The following NLGN1 variants were observed in gnomAD, a reference collection of about 807,000 sequenced individuals.
NLGN1 encodes neuroligin-1.
Under a neutral mutation model 65.5 loss-of-function variants are expected in NLGN1, and 12 were observed. The ratio of observed to expected loss-of-function variants is 0.18; its 90% CI spans 0.12 to 0.30. The LOEUF (loss-of-function observed/expected upper bound fraction) is 0.30. Ranked by LOEUF, NLGN1 falls within the 10% of genes least tolerant of loss-of-function variation. The probability of loss-of-function intolerance (pLI) is 1.00; values close to 1 mark genes in which losing one functional copy is unlikely to be tolerated. For missense variants in NLGN1, 750 were observed against 1,007.1 expected (o/e 0.74, Z 3.46); for synonymous variants, 350 against 359.5 (o/e 0.97, Z 0.30).
At chr3:173,438,374 C>A (rs921488161) in intron 2 of NLGN1, among the ~76,000 whole-genome samples, 1 of 151,998 alleles carries the variant, frequency 6.6e-6, no homozygotes, top group African/African-American at 2.4e-5. Flanking sequence ...TACATATCGT[C>A]TTTCCTATTA....
At chr3:174,024,309 A>G (rs1289657471) in intron 4 of NLGN1, among the ~76,000 whole-genome samples, 2 of 152,164 alleles carry the variant, frequency 1.3e-5, no homozygotes, top group Non-Finnish European at 2.9e-5. Flanking sequence ...GATTGTCAAG[A>G]AAAGGCAACC....
chr3:173,881,423 T>TC, intron 4 of NLGN1, among the ~76,000 whole-genome samples: 1 of 129,560 alleles, frequency 7.7e-6, no homozygotes, highest in Non-Finnish European at 1.6e-5. Flanking sequence ...CCACTCCTTT[T>TC]TTTTTTTTTT....
intron 4 of NLGN1, among the ~76,000 whole-genome samples, chr3:174,263,925 T>C (rs1747471612): frequency 6.6e-6 from 1 of 151,138 alleles, no homozygotes; most frequent in African/African-American, 2.4e-5. Context: ...AAGTATTTTA[T>C]TTCTCCTTCA....
chr3:174,046,488 A>G (rs1260022509), intron 4 of NLGN1, among the ~76,000 whole-genome samples: 1 of 152,052 alleles, frequency 6.6e-6, no homozygotes, highest in Non-Finnish European at 1.5e-5. Flanking sequence ...TGATCTTGCA[A>G]GCACAATCCC....
At chr3:174,277,868 T>A (rs1037694283) in intron 5 of NLGN1, among the ~76,000 whole-genome samples, 2 of 151,670 alleles carry the variant, frequency 1.3e-5, no homozygotes, top group African/African-American at 4.9e-5. Flanking sequence ...AGCATGTTTT[T>A]AAATAACTGA....
At chr3:174,062,836 T>C (rs980326819) in intron 4 of NLGN1, among the ~76,000 whole-genome samples, 5 of 152,104 alleles carry the variant, frequency 3.3e-5, no homozygotes, top group African/African-American at 1.2e-4. Context: ...TCATTATTAA[T>C]TTAACAGTGA....
chr3:174,016,587 G>A (rs777294823), intron 4 of NLGN1, among the ~76,000 whole-genome samples: 10 of 152,146 alleles, frequency 6.6e-5, no homozygotes, highest in Non-Finnish European at 1.5e-4. Flanking sequence ...GGTGATGCCA[G>A]AAGAAATGAC....
chr3:173,656,596 G>A (rs1760078358), intron 3 of NLGN1, among the ~76,000 whole-genome samples: 1 of 152,030 alleles, frequency 6.6e-6, no homozygotes, highest in South Asian at 2.1e-4. Context: ...CAGATGTGTT[G>A]CCTTCTCCTC....
chr3:174,220,433 T>C (rs1399673473), intron 4 of NLGN1, among the ~76,000 whole-genome samples: 9 of 152,264 alleles, frequency 5.9e-5, no homozygotes, highest in African/African-American at 1.7e-4. Flanking sequence ...ACGTGGTTGT[T>C]ATTGGAATCA....
At chr3:173,412,435 T>G (rs1166352337) in intron 1 of NLGN1, among the ~76,000 whole-genome samples, 2 of 152,098 alleles carry the variant, frequency 1.3e-5, no homozygotes, top group Non-Finnish European at 2.9e-5. Flanking sequence ...TCTTGAGTAC[T>G]ATGATAGGGT....
intron 4 of NLGN1, among the ~76,000 whole-genome samples, chr3:174,148,242 G>A (rs1387512239): frequency 1.3e-5 from 2 of 152,156 alleles, no homozygotes; most frequent in African/African-American, 4.8e-5. Flanking sequence ...TTGTGAATGT[G>A]TTAGGTTTCT....
At chr3:173,467,827 A>G (rs371965014) in intron 2 of NLGN1, among the ~76,000 whole-genome samples, 12 of 152,146 alleles carry the variant, frequency 7.9e-5, no homozygotes, top group African/African-American at 2.9e-4. Flanking sequence ...GGCTTCTTCC[A>G]TCTGTTGGCT....
At chr3:173,540,401 AG>A (rs1207525019) in intron 2 of NLGN1, among the ~76,000 whole-genome samples, 1 of 152,144 alleles carries the variant, frequency 6.6e-6, no homozygotes, top group African/African-American at 2.4e-5. Context: ...CATCCAAATG[AG>A]GAATATGTTG....
At chr3:174,145,454 G>A (rs1723036620) in intron 4 of NLGN1, among the ~76,000 whole-genome samples, 1 of 151,860 alleles carries the variant, frequency 6.6e-6, no homozygotes, top group Non-Finnish European at 1.5e-5. Context: ...CAGGGGTTCC[G>A]GTGAGCCAAG....
At chr3:173,539,905 T>G (rs111444074) in intron 2 of NLGN1, among the ~76,000 whole-genome samples, 1 of 145,360 alleles carries the variant, frequency 6.9e-6, no homozygotes, top group Non-Finnish European at 1.5e-5. Flanking sequence ...ATGTTATAAA[T>G]GTATATATAA....
chr3:173,404,289 C>G (rs1228153772), intron 1 of NLGN1, among the ~76,000 whole-genome samples: 1 of 152,120 alleles, frequency 6.6e-6, no homozygotes, highest in Non-Finnish European at 1.5e-5. Context: ...ATATCTCTCT[C>G]TGTTTCAAAG....
chr3:173,441,905 T>C (rs1168159015), intron 2 of NLGN1, among the ~76,000 whole-genome samples: 1 of 152,154 alleles, frequency 6.6e-6, no homozygotes, highest in Non-Finnish European at 1.5e-5. Flanking sequence ...ATACATTAAA[T>C]CTGTTAAACC....
intron 3 of NLGN1, among the ~76,000 whole-genome samples, chr3:173,668,999 A>G (rs1300141893): frequency 6.6e-6 from 1 of 152,214 alleles, no homozygotes; most frequent in African/African-American, 2.4e-5. Context: ...AGATATGGCA[A>G]ACCCCCATGC....
At chr3:173,657,288 A>G (rs1267395905) in intron 3 of NLGN1, among the ~76,000 whole-genome samples, 1 of 151,620 alleles carries the variant, frequency 6.6e-6, no homozygotes, top group African/African-American at 2.4e-5. Flanking sequence ...CATTCTTCCA[A>G]CTCCATGTGC....
Sources: gnomAD v4.1 joint callset for allele counts (sites outside exome capture counted in the v4.1 genomes callset) on GRCh38, gnomAD v4.1.1 for gene constraint, MANE v1.5 for transcripts, NCBI Gene and HGNC (gene_info 2026-07-23, HGNC 2026-07-21) for gene names.